Variants in DCC observed in about 807,000 individuals in gnomAD.
DCC encodes the protein netrin receptor DCC.
Under a neutral mutation model 172.5 loss-of-function variants are expected in DCC, and 58 were observed. The ratio of observed to expected loss-of-function variants is 0.34; its 90% confidence interval spans 0.27 to 0.42. The LOEUF is 0.42. DCC is among the 10% of genes least tolerant of loss of function. The pLI is 1.00. For synonymous variants in DCC, 709 were observed against 644.5 expected, an observed-to-expected ratio of 1.10 and a Z score of -1.52; for missense variants, 1,740 against 1,791.0, an observed-to-expected ratio of 0.97 and a Z score of 0.51.
chr18:52,948,346 A>C (rs2040582404), intron 5 of DCC, among the ~76,000 whole-genome samples: 1 of 152,004 alleles, frequency 6.6e-6, no homozygotes, highest in East Asian at 1.9e-4. Flanking sequence ...CTTATTTCCC[A>C]AAATTGGAAA....
intron 5 of DCC, among the ~76,000 whole-genome samples, chr18:52,927,008 A>G (rs1339384178): frequency 1.5e-5 from 2 of 130,320 alleles, no homozygotes; most frequent in African/African-American, 5.4e-5. Flanking sequence ...AATTTACACA[A>G]TTCACAAAGA....
chr18:53,275,712 C>T (rs1322207388), intron 12 of DCC, among the ~76,000 whole-genome samples: 2 of 152,062 alleles, frequency 1.3e-5, no homozygotes, highest in African/African-American at 4.8e-5. Flanking sequence ...GTTTAATTTC[C>T]TGTTGGTTTT....
chr18:53,484,012 T>TAG (rs1568161427), intron 25 of DCC, among the ~76,000 whole-genome samples: 25 of 142,588 alleles, frequency 1.8e-4, no homozygotes, highest in African/African-American at 5.9e-4. Flanking sequence ...GATAGATAGA[T>TAG]ATAGTGTGTG....
chr18:52,904,010 G>T (rs796961409), intron 2 of DCC, among the ~76,000 whole-genome samples: 1 of 152,360 alleles, frequency 6.6e-6, no homozygotes, highest in African/African-American at 2.4e-5. Flanking sequence ...CACAGACACA[G>T]ATTAGTTCTA....
chr18:53,293,870 A>G (rs1445884673), intron 12 of DCC, among the ~76,000 whole-genome samples: 1 of 152,168 alleles, frequency 6.6e-6, no homozygotes, highest in African/African-American at 2.4e-5. Flanking sequence ...TGTGCAAAAT[A>G]CTAGCCTACC....
chr18:53,341,606 TC>T (rs1415064801), intron 15 of DCC, among the ~76,000 whole-genome samples: 1 of 152,206 alleles, frequency 6.6e-6, no homozygotes, highest in Admixed American at 6.6e-5. Flanking sequence ...TAGTTGATAC[TC>T]TTTTAACATA....
intron 15 of DCC, among the ~76,000 whole-genome samples, chr18:53,370,098 G>A (rs934146311): frequency 2.0e-5 from 3 of 151,764 alleles, no homozygotes; most frequent in African/African-American, 7.2e-5. Flanking sequence ...ACTTTTACTT[G>A]TTGGGGAATT....
At chr18:53,162,553 CT>C (rs768386133) in intron 8 of DCC, among the ~76,000 whole-genome samples, 7 of 152,116 alleles carry the variant, frequency 4.6e-5, no homozygotes, top group Non-Finnish European at 8.8e-5. Context: ...TCTCATGTTA[CT>C]TCTCTAACCT....
chr18:53,200,877 C>A (rs2055526483), intron 9 of DCC, among the ~76,000 whole-genome samples: 1 of 152,106 alleles, frequency 6.6e-6, no homozygotes, highest in Admixed American at 6.5e-5. Context: ...ATGAACAGTT[C>A]ATTTGCAGCT....
At chr18:53,295,658 A>G (rs1267029166) in intron 12 of DCC, among the ~76,000 whole-genome samples, 2 of 152,204 alleles carry the variant, frequency 1.3e-5, no homozygotes, top group Non-Finnish European at 2.9e-5. Flanking sequence ...ATTAAACAGA[A>G]TGAATCCATA....
At chr18:52,820,529 C>A (rs1462102695) in intron 2 of DCC, among the ~76,000 whole-genome samples, 1 of 151,906 alleles carries the variant, frequency 6.6e-6, no homozygotes, top group Admixed American at 6.5e-5. Flanking sequence ...TGGGTCCATC[C>A]AAAATTATAC....
chr18:53,173,159 G>T (rs531055069), intron 8 of DCC, among the ~76,000 whole-genome samples: 3 of 152,030 alleles, frequency 2.0e-5, no homozygotes, highest in African/African-American at 7.2e-5. Flanking sequence ...ATCTTAGTTT[G>T]GTAGAATATA....
intron 1 of DCC, among the ~76,000 whole-genome samples, chr18:52,714,725 T>G (rs1301929053): frequency 1.3e-5 from 2 of 152,212 alleles, no homozygotes; most frequent in Non-Finnish European, 2.9e-5. Flanking sequence ...GATTGCATGT[T>G]AATTAAGGAT....
rs77104318 is a variant in DCC at position 52,650,277 on chromosome 18, C to A, written c.92-101777C>A. On this transcript the variant is annotated intron_variant, in intron 1 of 28. Transcript: ENST00000442544. ...TACAGGTGTGAGCCACCACACCCGG[C>A]CTCTATTTTTATTTCTTTAAGAATT... Among the ~76,000 whole-genome samples, 117 of 152,160 alleles carry A rather than the reference C, an allele frequency of 7.7e-4. No homozygotes were observed. The East Asian group carries it at 0.021, about 27-fold the overall frequency.
intron 5 of DCC, among the ~76,000 whole-genome samples, chr18:53,032,882 C>T (rs1450352835): frequency 1.3e-5 from 2 of 152,090 alleles, no homozygotes; most frequent in Non-Finnish European, 2.9e-5. Flanking sequence ...GTGACTCTCC[C>T]AGAAAACTCC....
At chr18:52,690,951 T>C (rs1361316143) in intron 1 of DCC, among the ~76,000 whole-genome samples, 3 of 152,152 alleles carry the variant, frequency 2.0e-5, no homozygotes, top group Non-Finnish European at 4.4e-5. Context: ...CTCTCAAACC[T>C]GACTTAGTCA....
At chr18:52,671,679 A>T (rs1260899380) in intron 1 of DCC, among the ~76,000 whole-genome samples, 1 of 151,870 alleles carries the variant, frequency 6.6e-6, no homozygotes, top group East Asian at 1.9e-4. Context: ...AGCTGGGAAC[A>T]CAGGTGTGTG....
chr18:52,593,042 C>T (rs1321792336), intron 1 of DCC, among the ~76,000 whole-genome samples: 1 of 152,182 alleles, frequency 6.6e-6, no homozygotes, highest in Non-Finnish European at 1.5e-5. Context: ...CTTTACCATG[C>T]TCCTCAGGTA....
chr18:52,796,140 T>C (rs1199813463), intron 2 of DCC, among the ~76,000 whole-genome samples: 4 of 151,756 alleles, frequency 2.6e-5, no homozygotes, highest in East Asian at 3.9e-4. Flanking sequence ...TATCGGTCTT[T>C]ATAGGTGGAG....
Sources: allele counts gnomAD v4.1 joint callset (sites outside exome capture counted in the v4.1 genomes callset), GRCh38; gene constraint gnomAD v4.1.1; transcripts MANE v1.5; gene names NCBI Gene and HGNC (gene_info 2026-07-23, HGNC 2026-07-21).